Variants in CHIC2 observed in about 807,000 individuals in gnomAD.
CHIC2 encodes the protein cysteine-rich hydrophobic domain-containing protein 2.
CHIC2 carries 14 observed loss-of-function variants against 25.9 expected under a neutral mutation model. That is an observed-to-expected ratio of 0.54 (90% CI 0.36 to 0.85). CHIC2 has a LOEUF of 0.85. Among genes scored for constraint, CHIC2 ranks in the 40% least tolerant of loss-of-function variants. The probability of loss-of-function intolerance (pLI) is 0.01; values close to 1 mark genes in which losing one functional copy is unlikely to be tolerated. For synonymous variants in CHIC2, 70 were observed against 72.0 expected (o/e 0.97, Z 0.14); for missense variants, 146 against 202.0 (o/e 0.72, Z 1.68).
intron 3 of CHIC2, among the ~76,000 whole-genome samples, chr4:54,041,659 C>CTA (rs1716580420): frequency 6.6e-6 from 1 of 152,054 alleles, no homozygotes; most frequent in Non-Finnish European, 1.5e-5. Context: ...ATTTTGATAA[C>CTA]TATATTTTAT....
the CHIC2 span, among the ~76,000 whole-genome samples, chr4:54,074,089 C>T: frequency 1.3e-5 from 2 of 151,856 alleles, no homozygotes; most frequent in East Asian, 1.9e-4. Context: ...ACCCGGGAGG[C>T]GGAGGTTGCA....
chr4:54,091,667 G>A, the CHIC2 span, among the ~76,000 whole-genome samples: 1 of 152,104 alleles, frequency 6.6e-6, no homozygotes, highest in East Asian at 1.9e-4. Flanking sequence ...AACACCACCT[G>A]TTCCTCAAAA....
chr4:54,034,330 G>A (rs1023369789), intron 3 of CHIC2, among the ~76,000 whole-genome samples: 1 of 151,876 alleles, frequency 6.6e-6, no homozygotes, highest in African/African-American at 2.4e-5. Context: ...CTTGAACCTG[G>A]GAGGCAGAAG....
chr4:54,045,033 A>G (rs1231966631), intron 3 of CHIC2, among the ~76,000 whole-genome samples: 1 of 152,268 alleles, frequency 6.6e-6, no homozygotes, highest in Non-Finnish European at 1.5e-5. Flanking sequence ...CTACGCAAAT[A>G]AACTACAAAA....
At chr4:54,018,855 G>C (rs993778509) in intron 3 of CHIC2, among the ~76,000 whole-genome samples, 1 of 151,876 alleles carries the variant, frequency 6.6e-6, no homozygotes, top group South Asian at 2.1e-4. Flanking sequence ...AAATGGGAAA[G>C]CAAAATTTCA....
At chr4:54,058,991 A>G (rs930180646) in intron 1 of CHIC2, among the ~76,000 whole-genome samples, 10 of 152,188 alleles carry the variant, frequency 6.6e-5, no homozygotes, top group African/African-American at 2.2e-4. Context: ...AAAATCCAAC[A>G]CTGAACTCTT....
intron 1 of CHIC2, among the ~76,000 whole-genome samples, chr4:54,062,327 G>T (rs1283174407): frequency 6.8e-6 from 1 of 146,332 alleles, no homozygotes; most frequent in East Asian, 1.9e-4. Flanking sequence ...TCACCTGTGA[G>T]ATTTTATTTA....
rs146288436 is a variant in CHIC2 at position 54,013,126 on chromosome 4, T to C, written c.447+711A>G. ...ACCTGGCCATATTTAAAATAAAATATCCAAGCTCAAAAGAGAATTAAAATT... is the reference window on the plus strand; with the variant it reads ...ACCTGGCCATATTTAAAATAAAATACCCAAGCTCAAAAGAGAATTAAAATT... On this transcript the variant is annotated intron_variant, in intron 5 of 5. Coordinates refer to ENST00000263921, the MANE Select transcript of CHIC2 (RefSeq NM_012110.4). Among the ~76,000 whole-genome samples, 496 of 152,196 alleles carry C rather than the reference T, an allele frequency of 3.3e-3. 7 individuals are homozygous for C. Among genetic ancestry groups the C allele is most frequent in the African/African-American group, 0.012 (479 of 41,562 alleles).
chr4:54,091,523 C>T, the CHIC2 span, among the ~76,000 whole-genome samples: 3 of 152,200 alleles, frequency 2.0e-5, no homozygotes, highest in African/African-American at 7.2e-5. Flanking sequence ...CACACCCATG[C>T]TCCCAAACAC....
upstream of CHIC2, among the ~76,000 whole-genome samples, chr4:54,068,690 G>T (rs1019730404): frequency 2.0e-5 from 3 of 152,154 alleles, no homozygotes; most frequent in African/African-American, 7.2e-5. Context: ...GTGTTGGGGG[G>T]TTTTCTCCAC....
At chr4:54,020,184 A>G (rs370640028) in intron 3 of CHIC2, among the ~76,000 whole-genome samples, 4 of 152,142 alleles carry the variant, frequency 2.6e-5, no homozygotes, top group African/African-American at 9.7e-5. Context: ...AGTGAAAATA[A>G]CCTTAACTGA....
intron 1 of CHIC2, chr4:54,059,973 T>C (rs1419327087): frequency 7.2e-5 from 11 of 152,216 alleles, no homozygotes; most frequent in Admixed American, 7.2e-4. Context: ...TCTTAAATAT[T>C]ATGCTGGGTG....
chr4:54,063,761 T>C (rs965171403), intron 1 of CHIC2, among the ~76,000 whole-genome samples: 2 of 152,228 alleles, frequency 1.3e-5, no homozygotes, highest in East Asian at 1.9e-4. Flanking sequence ...CAATTGTCAC[T>C]GGGGTCTCAC....
At chr4:54,073,417 G>A in the CHIC2 span, among the ~76,000 whole-genome samples, 6 of 152,202 alleles carry the variant, frequency 3.9e-5, no homozygotes, top group Admixed American at 3.9e-4. Flanking sequence ...CCAAAGCTAA[G>A]TTATAAAAGA....
intron 3 of CHIC2, among the ~76,000 whole-genome samples, chr4:54,028,206 TA>T: frequency 6.6e-6 from 1 of 152,342 alleles, no homozygotes. Context: ...AGGTAAATTA[TA>T]ACCCATAGGC....
At chr4:54,038,136 G>T (rs958584795) in intron 3 of CHIC2, among the ~76,000 whole-genome samples, 1 of 152,002 alleles carries the variant, frequency 6.6e-6, no homozygotes, top group African/African-American at 2.4e-5. Context: ...CCTACACTGT[G>T]AAAAAGAGAA....
chr4:54,064,219 C>A lies in CHIC2; in HGVS notation c.82G>T (p.Asp28Tyr). 1 of 1,607,456 alleles carries A rather than the reference C, an allele frequency of 6.2e-7. No individual in the cohort carries two copies. Among genetic ancestry groups the A allele is most frequent in the East Asian group, 2.2e-5 (1 of 44,482 alleles). The change falls in exon 1 of 6, where the codon GAC (aspartate) becomes TAC (tyrosine). Residue 28 changes from aspartate (D) to tyrosine (Y), a missense_variant. Physicochemically the swap from Asp to Tyr is radical, Grantham distance 160. Coordinates refer to ENST00000263921, the MANE Select transcript of CHIC2 (RefSeq NM_012110.4). This position sits in a 1 kb window ranked among gnomAD's most constrained non-coding sequence, Gnocchi z 4.2. ...CCGGAGCCGCGGACGACCACCGGGTCCGGCGAGTACTTGAGCAGCTGCTCC... is the reference window on the plus strand; with the variant it reads ...CCGGAGCCGCGGACGACCACCGGGTACGGCGAGTACTTGAGCAGCTGCTCC... ...LEEQLLKYSP[D>Y]PVVVRGSGHV... is the part of the protein sequence containing the mutation.
intron 3 of CHIC2, among the ~76,000 whole-genome samples, chr4:54,046,254 C>T (rs951304903): frequency 7.9e-5 from 12 of 152,056 alleles, no homozygotes; most frequent in Admixed American, 2.0e-4. Context: ...CAATGCCATC[C>T]CCATCAAGCT....
At chr4:54,036,642 A>G (rs193183400) in intron 3 of CHIC2, among the ~76,000 whole-genome samples, 24 of 152,062 alleles carry the variant, frequency 1.6e-4, no homozygotes, top group Admixed American at 1.2e-3. Context: ...ACATACCCCA[A>G]CTCTTTAAAA....
Sources: gnomAD v4.1 joint callset for allele counts (sites outside exome capture counted in the v4.1 genomes callset) on GRCh38, gnomAD v4.1.1 for gene constraint, Gnocchi (gnomAD v3.1) non-coding constraint, MANE v1.5 for transcripts, NCBI Gene and HGNC (gene_info 2026-07-23, HGNC 2026-07-21) for gene names.